Variants in TEAD3 observed in about 807,000 individuals in gnomAD.
TEAD3 encodes TEA domain transcription factor 3, also known as transcriptional enhancer factor TEF-5.
In TEAD3, 15 loss-of-function variants were observed where a neutral mutation model predicts 55.6. The observed-to-expected ratio is 0.27, with a 90% confidence interval of 0.18 to 0.42. The LOEUF is 0.42. Ranked by LOEUF, TEAD3 falls within the 10% of genes least tolerant of loss-of-function variation. The pLI is 1.00. For synonymous variants in TEAD3, 210 were observed against 232.2 expected, an observed-to-expected ratio of 0.90 and a Z score of 0.87; for missense variants, 407 against 576.8, an observed-to-expected ratio of 0.71 and a Z score of 3.01.
At chr6:35,489,538 T>G (rs1403071249) in intron 1 of TEAD3, among the ~76,000 whole-genome samples, 1 of 152,134 alleles carries the variant, frequency 6.6e-6, no homozygotes, top group Non-Finnish European at 1.5e-5. Context: ...GCCCTTTCTG[T>G]GATGCCTCCA....
At chr6:35,495,304 G>A (rs1226027642) in intron 1 of TEAD3, among the ~76,000 whole-genome samples, 1 of 152,228 alleles carries the variant, frequency 6.6e-6, no homozygotes, top group Non-Finnish European at 1.5e-5. Context: ...CAGGGCTCAG[G>A]ACCCATGTGA....
chr6:35,490,764 A>T (rs896604411), intron 1 of TEAD3, among the ~76,000 whole-genome samples: 22 of 152,142 alleles, frequency 1.4e-4, no homozygotes, highest in Admixed American at 1.4e-3. Context: ...GGCCGGGCTG[A>T]GAGAGGAGGC....
At chr6:35,477,276 G>C (rs773060441) in intron 8 of TEAD3, 35 bp downstream of exon 8, 2 of 1,608,572 alleles carry the variant, frequency 1.2e-6, no homozygotes, top group Admixed American at 1.7e-5. Flanking sequence ...GGAGGTGCAG[G>C]TGCCAAGGGA....
chr6:35,494,636 C>T (rs75490822), intron 1 of TEAD3, among the ~76,000 whole-genome samples: 3,649 of 152,232 alleles, frequency 0.024, 131 homozygotes, highest in African/African-American at 0.079. Flanking sequence ...AAAGCTGCAG[C>T]GTTTAGACCC....
Position 35,484,919 on chromosome 6 carries a change from C to G in TEAD3, c.203-295G>C, listed in dbSNP as rs1768342995. On this transcript the variant is annotated intron_variant, in intron 2 of 12. Transcript: ENST00000639578. This position sits in a 1 kb window ranked among gnomAD's most constrained non-coding sequence, Gnocchi z 5.8. ...CAGCACTAGGCACCCTGACAGGCTT[C>G]CCTGCAGACAGACCGGGTGGCTGTG... 6.6e-6 allele frequency among the ~76,000 whole-genome samples: 1 copy of G among 152,186 alleles called. No individual in the cohort carries two copies. Among genetic ancestry groups the G allele is most frequent in the African/African-American group, 2.4e-5 (1 of 41,446 alleles).
chr6:35,476,996 T>C (rs1768162000), intron 8 of TEAD3, among the ~76,000 whole-genome samples: 1 of 152,016 alleles, frequency 6.6e-6, no homozygotes, highest in South Asian at 2.1e-4. Flanking sequence ...CTAATTTTTG[T>C]ATTTAGTAGA....
At chr6:35,494,487 C>G (rs763869156) in intron 1 of TEAD3, among the ~76,000 whole-genome samples, 5 of 152,160 alleles carry the variant, frequency 3.3e-5, no homozygotes, top group Admixed American at 1.3e-4. Context: ...GGCAAGGCCC[C>G]AGGGACAGTG....
At chr6:35,477,448 A>G in intron 7 of TEAD3, 76 bp from the exon 8 acceptor site, 1 of 1,434,236 alleles carries the variant, frequency 7.0e-7, no homozygotes, top group Non-Finnish European at 9.5e-7. Context: ...CTCTTCCAAG[A>G]CCCCAGGAGC....
rs1284061554 is a variant in TEAD3 at position 35,484,018 on chromosome 6, C to T, written c.267+542G>A. 6.6e-6 allele frequency among the ~76,000 whole-genome samples: 1 copy of T among 152,194 alleles called. No homozygotes were observed. Among genetic ancestry groups the T allele is most frequent in the Non-Finnish European group, 1.5e-5 (1 of 68,044 alleles). Reference sequence around the variant, plus strand: ...CAGCCTGGAAGGAAGGGTCTTCTCCCTTTTCTCTGCCTTGCGAACTCCCAT... The same window carrying T: ...CAGCCTGGAAGGAAGGGTCTTCTCCTTTTTCTCTGCCTTGCGAACTCCCAT... On this transcript the variant is annotated intron_variant, in intron 3 of 12. Transcript: ENST00000639578. This position sits in a 1 kb window ranked among gnomAD's most constrained non-coding sequence, Gnocchi z 5.8.
At chr6:35,480,524 G>A (rs1581724046) in intron 3 of TEAD3, 150 bp from the exon 4 acceptor site, 2 of 788,760 alleles carry the variant, frequency 2.5e-6, no homozygotes, top group Admixed American at 2.6e-5. Context: ...TTTGAAACAG[G>A]GTTTATGTTG....
rs1768389703 is a variant in TEAD3, at chr6:35,486,697, A to G, written c.-35T>C. The G allele has an allele frequency of 6.2e-7, 1 of 1,601,480 alleles. No individual in the cohort carries two copies. ...TGCTCTGGGCTCTGGGCCTGAGCCCACTGGGCGGCTGAGCCTGGGGGACAG... is the reference window on the plus strand; with the variant it reads ...TGCTCTGGGCTCTGGGCCTGAGCCCGCTGGGCGGCTGAGCCTGGGGGACAG... On this transcript the variant is annotated 5_prime_UTR_variant, in exon 2 of 13. Transcript: ENST00000639578. The surrounding 1 kb of genome is among the most constrained non-coding windows in gnomAD (Gnocchi z 7.3).
chr6:35,496,158 C>T lies in TEAD3; in HGVS notation c.-50+740G>A, dbSNP rs1768643929. Among the ~76,000 whole-genome samples the T allele has an allele frequency of 3.3e-5, 5 of 152,184 alleles. No individual in the cohort carries two copies. The highest frequency in any genetic ancestry group is 3.3e-4 in the Admixed American group (5 of 15,288). On this transcript the variant is annotated intron_variant, in intron 1 of 12. Transcript: ENST00000639578. This position sits in a 1 kb window ranked among gnomAD's most constrained non-coding sequence, Gnocchi z 4.8. ...GGGTAGGAAGCGGGAGACCAGCCAC[C>T]CTCAAACCTTGTCAAGTCTAAACAA...
At chr6:35,490,604 G>C (rs1001747722) in intron 1 of TEAD3, among the ~76,000 whole-genome samples, 1 of 152,210 alleles carries the variant, frequency 6.6e-6, no homozygotes, top group African/African-American at 2.4e-5. Context: ...ATGGGCAGTC[G>C]TGGGCAGGCA....
rs1044555469 is a variant in TEAD3, at chr6:35,491,387, C to T, written c.-49-4676G>A. 1.3e-5 allele frequency among the ~76,000 whole-genome samples: 2 copies of T among 151,450 alleles called. No individual in the cohort carries two copies. The highest frequency in any genetic ancestry group is 2.1e-4 in the South Asian group (1 of 4,804). The stretch of plus-strand genomic sequence containing the variant: ...CCAGAAACTCAGATATGATAGGCAT[C>T]GAGGGAGGGGCAGACCAGGAGGGGA... On this transcript the variant is annotated intron_variant, in intron 1 of 12. Coordinates refer to ENST00000639578, the Ensembl canonical transcript of TEAD3. The surrounding 1 kb of genome is among the most constrained non-coding windows in gnomAD (Gnocchi z 4.4).
In TEAD3 at chr6:35,488,785, G is replaced by A. The variant is rs1286093676; in HGVS notation, c.-49-2074C>T. 1.3e-5 allele frequency among the ~76,000 whole-genome samples: 2 copies of A among 151,974 alleles called. No homozygotes were observed. The highest frequency in any genetic ancestry group is 1.9e-4 in the East Asian group (1 of 5,188). On this transcript the variant is annotated intron_variant, in intron 1 of 12. Coordinates refer to ENST00000639578, the Ensembl canonical transcript of TEAD3. This position sits in a 1 kb window ranked among gnomAD's most constrained non-coding sequence, Gnocchi z 4.2. ...GTCGCCCAGGCTAGAGTGCAATGGC[G>A]CGATCTCTGCTCACCGCAACCTCCA...
At chr6:35,492,352 C>T (rs530827789) in intron 1 of TEAD3, among the ~76,000 whole-genome samples, 20 of 152,038 alleles carry the variant, frequency 1.3e-4, no homozygotes, top group South Asian at 2.1e-4. Flanking sequence ...CGCCCCACAG[C>T]GGGCCAGCTG....
chr6:35,475,291 G>A lies in TEAD3; in HGVS notation c.1194+45C>T, dbSNP rs75131269. ...GATGTGTCTGGCTACCCAACTTGGA[G>A]GCCCTGGCCTGTGGGACTCCCCACG... On this transcript the variant is annotated intron_variant, in intron 12 of 12. Coordinates refer to ENST00000639578, the Ensembl canonical transcript of TEAD3. This position sits in a 1 kb window ranked among gnomAD's most constrained non-coding sequence, Gnocchi z 5.4. 3.3e-4 allele frequency: 538 copies of A among 1,607,948 alleles called. 3 individuals are homozygous for A. In the African/African-American group the frequency reaches 4.0e-3, roughly 12 times the overall value.
At chr6:35,487,268 T>G (rs187334991) in intron 1 of TEAD3, among the ~76,000 whole-genome samples, 2 of 150,340 alleles carry the variant, frequency 1.3e-5, no homozygotes, top group East Asian at 3.9e-4. Context: ...TAAAAATATA[T>G]CAGGTCTGGA....
chr6:35,495,902 A>G (rs1298105509), intron 1 of TEAD3, among the ~76,000 whole-genome samples: 1 of 152,222 alleles, frequency 6.6e-6, no homozygotes, highest in African/African-American at 2.4e-5. Context: ...AAGAGGGAAG[A>G]CACAGAAGAA....
Sources: allele counts gnomAD v4.1 joint callset (sites outside exome capture counted in the v4.1 genomes callset), GRCh38; gene constraint gnomAD v4.1.1; non-coding constraint Gnocchi (gnomAD v3.1); transcripts MANE v1.5; gene names NCBI Gene and HGNC (gene_info 2026-07-23, HGNC 2026-07-21).